The following RC3H2 variants were observed in gnomAD, a reference collection of about 807,000 sequenced individuals.
RC3H2 encodes roquin-2.
In RC3H2, 31 loss-of-function variants were observed where a neutral mutation model predicts 133.3. That is an observed-to-expected ratio of 0.23 (90% CI 0.17 to 0.31). The LOEUF is 0.31. Ranked by LOEUF, RC3H2 falls within the 10% of genes least tolerant of loss-of-function variation. RC3H2 has a pLI of 1.00. For missense variants in RC3H2, 1,175 were observed against 1,437.2 expected (o/e 0.82, Z 2.95); for synonymous variants, 517 against 502.2 (o/e 1.03, Z -0.40).
At chr9:122,884,223 G>A (rs1229223722) in intron 4 of RC3H2, among the ~76,000 whole-genome samples, 2 of 152,012 alleles carry the variant, frequency 1.3e-5, no homozygotes, top group East Asian at 1.9e-4. Context: ...AACCTGGGAG[G>A]TGGAGCTTGC....
intron 8 of RC3H2, 26 bp from the exon 9 acceptor site, chr9:122,877,609 G>C: frequency 6.5e-7 from 1 of 1,541,312 alleles, no homozygotes; most frequent in Non-Finnish European, 9.0e-7. Flanking sequence ...CACATTCAAT[G>C]AGTGGCAAGG....
rs750434628 is a variant in RC3H2, at chr9:122,877,510, G to C, written c.1286C>G (p.Thr429Arg). ...CTGAGAATGGGCAAATGTACAATTT[G>C]TTCCTCGTGGACAACCCCCTTGCTG... is the stretch of plus-strand genomic sequence containing the variant. ...LRQQGGCPRG[T>R]NCTFAHSQEE... The change falls in exon 9 of 21, where the codon ACA becomes AGA. Residue 429 changes from threonine (T) to arginine (R), a missense_variant. Coordinates refer to ENST00000357244, the MANE Select transcript of RC3H2 (RefSeq NM_001100588.3). 1.2e-6 allele frequency: 2 copies of C among 1,614,004 alleles called. No individual in the cohort carries two copies. Among genetic ancestry groups the C allele is most frequent in the Non-Finnish European group, 1.7e-6 (2 of 1,180,000 alleles).
intron 13 of RC3H2, among the ~76,000 whole-genome samples, chr9:122,856,971 GA>G (rs1258392037): frequency 5.3e-5 from 8 of 152,178 alleles, no homozygotes; most frequent in African/African-American, 1.9e-4. Flanking sequence ...CTGCTTTGAA[GA>G]AGTCTAAGTT....
intron 18 of RC3H2, among the ~76,000 whole-genome samples, chr9:122,853,361 C>T (rs1384180414): frequency 5.7e-5 from 8 of 139,380 alleles, no homozygotes; most frequent in African/African-American, 2.2e-4. Flanking sequence ...CTGTGAGAAA[C>T]ACCCAAGAAT....
intron 9 of RC3H2, among the ~76,000 whole-genome samples, chr9:122,866,688 A>G (rs2442765): frequency 0.98 from 148,414 of 152,190 alleles, 72,481 homozygotes; most frequent in East Asian, 1. Flanking sequence ...ATTGCAGACG[A>G]TGTCTGGTTC....
At chr9:122,897,029 A>AAAG (rs1832451208) in intron 2 of RC3H2, among the ~76,000 whole-genome samples, 1 of 148,402 alleles carries the variant, frequency 6.7e-6, no homozygotes. Flanking sequence ...CTGTCTAAAA[A>AAAG]AAAAAAAAAA....
chr9:122,901,586 C>A (rs1401422589), intron 1 of RC3H2, among the ~76,000 whole-genome samples: 1 of 120,018 alleles, frequency 8.3e-6, no homozygotes. Context: ...CCAATGCATT[C>A]TTTTTTTTTT....
At chr9:122,902,458 G>A (rs1056741886) in intron 1 of RC3H2, among the ~76,000 whole-genome samples, 11 of 152,150 alleles carry the variant, frequency 7.2e-5, no homozygotes, top group Non-Finnish European at 1.6e-4. Flanking sequence ...TTTCTTGGAA[G>A]AGTAATGCTG....
In RC3H2 at chr9:122,851,399, T is replaced by A. The variant is rs1830012228; in HGVS notation, c.3155A>T (p.Lys1052Ile). Residue 1052 changes from lysine (K) to isoleucine (I), a missense_variant, in exon 19 of 21, where the codon AAA (lysine) becomes ATA (isoleucine). Transcript: ENST00000357244. ...CTCTAACTCGATATCCCTATCAGGT[T>A]TAGTATCTGTTGCATCTTCTGTATA... ...SDYTEDATDT[K>I]PDRDIELELS... 2.5e-6 allele frequency: 4 copies of A among 1,614,078 alleles called. No homozygotes were observed. The highest frequency in any genetic ancestry group is 3.4e-6 in the Non-Finnish European group (4 of 1,180,034).
intron 9 of RC3H2, among the ~76,000 whole-genome samples, chr9:122,868,139 G>A (rs1390887694): frequency 6.7e-5 from 10 of 148,728 alleles, no homozygotes; most frequent in Admixed American, 6.0e-4. Flanking sequence ...CCCCCCGCCC[G>A]GCCAGCCGCC....
At chr9:122,890,182 T>C (rs1210991511) in intron 4 of RC3H2, 130 bp downstream of exon 4, 1 of 726,952 alleles carries the variant, frequency 1.4e-6, no homozygotes, top group East Asian at 2.7e-5. Flanking sequence ...CAAAAACAAA[T>C]TTATCTTTAA....
chr9:122,880,834 C>T, intron 5 of RC3H2, 40 bp from the exon 6 acceptor site: 1 of 1,448,444 alleles, frequency 6.9e-7, no homozygotes, highest in Non-Finnish European at 9.7e-7. Context: ...TTGGTCTGTG[C>T]TTTCTCCCTT....
chr9:122,876,498 G>A (rs1200776783), intron 9 of RC3H2, among the ~76,000 whole-genome samples: 5 of 151,858 alleles, frequency 3.3e-5, no homozygotes, highest in Non-Finnish European at 7.4e-5. Context: ...CATGGTGGTG[G>A]GCGCCTGTGG....
chr9:122,885,290 C>T (rs1019364852), intron 4 of RC3H2, among the ~76,000 whole-genome samples: 1 of 152,104 alleles, frequency 6.6e-6, no homozygotes, highest in East Asian at 1.9e-4. Flanking sequence ...TTAGAAAGTG[C>T]TGAATGTCGG....
In RC3H2 at chr9:122,905,090, C is replaced by T; in HGVS notation, c.-68+20G>A. ...ACCCGGGCTGGGGCCCGAGCCGCAT[C>T]GTGCCCGCCCCCGCCCTACCTGAGG... On this transcript the variant is annotated intron_variant, in intron 1 of 20. Transcript: ENST00000357244. 1 of 985,374 alleles carries T rather than the reference C, an allele frequency of 1.0e-6. No homozygotes were observed. Among genetic ancestry groups the T allele is most frequent in the South Asian group, 4.7e-5 (1 of 21,294 alleles). The allele number at this position is 985,374 out of a possible 1,614,324, so 61.0% of individuals were successfully genotyped here.
At chr9:122,879,911 A>G (rs781592377) in intron 7 of RC3H2, 38 bp from the exon 8 acceptor site, 26 of 1,610,556 alleles carry the variant, frequency 1.6e-5, no homozygotes, top group African/African-American at 5.4e-5. Context: ...GTTGGGGGGG[A>G]AGAATGTTAG....
At chr9:122,864,902 G>C (rs543366790) in intron 10 of RC3H2, among the ~76,000 whole-genome samples, 1 of 152,186 alleles carries the variant, frequency 6.6e-6, no homozygotes, top group African/African-American at 2.4e-5. Context: ...GGGATTACAG[G>C]TGTGAACCAC....
chr9:122,892,754 T>C (rs1270414687), intron 3 of RC3H2, among the ~76,000 whole-genome samples, 155 bp downstream of exon 3: 5 of 152,102 alleles, frequency 3.3e-5, no homozygotes, highest in Non-Finnish European at 4.4e-5. Flanking sequence ...TTTCAGAAAA[T>C]AGGACAACAT....
At chr9:122,894,588 T>G (rs1417687592) in intron 2 of RC3H2, among the ~76,000 whole-genome samples, 1 of 151,908 alleles carries the variant, frequency 6.6e-6, no homozygotes, top group African/African-American at 2.4e-5. Flanking sequence ...ATAAAGAACA[T>G]GAAGAGAGAG....
Sources: gnomAD v4.1 joint callset for allele counts (sites outside exome capture counted in the v4.1 genomes callset) on GRCh38, gnomAD v4.1.1 for gene constraint, MANE v1.5 for transcripts, NCBI Gene and HGNC (gene_info 2026-07-23, HGNC 2026-07-21) for gene names.